Variants in LRP1B observed in about 807,000 individuals in gnomAD.
LRP1B encodes the protein low-density lipoprotein receptor-related protein 1B.
A neutral mutation model predicts 556.6 loss-of-function variants in LRP1B; 217 were observed. The ratio of observed to expected loss-of-function variants is 0.39; its 90% confidence interval spans 0.35 to 0.44. The LOEUF (loss-of-function observed/expected upper bound fraction) is 0.44, where lower values mean the gene tolerates loss of function less well. Among genes scored for constraint, LRP1B ranks in the 20% least tolerant of loss-of-function variants. The pLI, the probability that LRP1B is intolerant of heterozygous loss-of-function variation, is 1.00. For synonymous variants in LRP1B, 2,047 were observed against 1,865.8 expected (o/e 1.10, Z -2.50); for missense variants, 5,053 against 5,620.8 (o/e 0.90, Z 3.23).
Position 141,490,052 on chromosome 2 carries a change from A to C in LRP1B, c.206-9519T>G, listed in dbSNP as rs558486786. ...ATTTTGTCCAGCTGCAGTACCCTTT[A>C]GCCATCTCTGACATCTAATTTTTAA... On this transcript the variant is annotated intron_variant, in intron 2 of 90. Transcript: ENST00000389484. Among the ~76,000 whole-genome samples, 66 of 152,270 alleles carry C rather than the reference A, an allele frequency of 4.3e-4. 1 individual carries two copies. The highest frequency in any genetic ancestry group is 3.7e-3 in the Admixed American group (57 of 15,274).
chr2:140,525,888 C>T lies in LRP1B; in HGVS notation c.7982G>A (p.Gly2661Glu), dbSNP rs1690409658. The change falls in exon 49 of 91, where the codon GGG (glycine) becomes GAG (glutamate). Residue 2661 changes from glycine to glutamate, a missense_variant. By Grantham distance (98) the Gly-to-Glu change is moderately conservative. Coordinates refer to ENST00000389484, the MANE Select transcript of LRP1B (RefSeq NM_018557.3). ...TGAATAGTCTCCACAGTCATTAGACCCGTCGCATATCCAGGTTGGCAGAAC... is the reference window on the plus strand; with the variant it reads ...TGAATAGTCTCCACAGTCATTAGACTCGTCGCATATCCAGGTTGGCAGAAC... ...LCVLPTWICD[G>E]SNDCGDYSDE... The T allele has an allele frequency of 1.2e-6, 2 of 1,612,260 alleles. No homozygotes were observed. Among genetic ancestry groups the T allele is most frequent in the Non-Finnish European group, 1.7e-6 (2 of 1,178,846 alleles).
chr2:141,179,892 CTT>C (rs11433781), intron 7 of LRP1B, among the ~76,000 whole-genome samples: 226 of 125,954 alleles, frequency 1.8e-3, no homozygotes, highest in Non-Finnish European at 2.3e-3. Flanking sequence ...TTGGTTTTTC[CTT>C]TTTTTTTTTT....
At chr2:140,729,182 T>C (rs1687693644) in intron 35 of LRP1B, among the ~76,000 whole-genome samples, 1 of 152,044 alleles carries the variant, frequency 6.6e-6, no homozygotes. Flanking sequence ...AATTCAGAAA[T>C]AGAAAATTCT....
At chr2:141,315,076 G>A (rs1686970595) in intron 3 of LRP1B, among the ~76,000 whole-genome samples, 1 of 150,174 alleles carries the variant, frequency 6.7e-6, no homozygotes, top group Non-Finnish European at 1.5e-5. Context: ...GACTATTACG[G>A]TACTCTCACA....
intron 72 of LRP1B, among the ~76,000 whole-genome samples, chr2:140,359,268 CA>C (rs1470114880): frequency 6.6e-6 from 1 of 151,572 alleles, no homozygotes; most frequent in African/African-American, 2.4e-5. Context: ...TGCAATATGG[CA>C]GGACACTTAG....
chr2:140,267,028 C>T (rs1264407932), intron 86 of LRP1B, among the ~76,000 whole-genome samples: 1 of 151,914 alleles, frequency 6.6e-6, no homozygotes, highest in Non-Finnish European at 1.5e-5. Flanking sequence ...CCACCCCTTC[C>T]TAGTGTGTGA....
At chr2:141,776,139 C>T (rs1014652861) in intron 2 of LRP1B, among the ~76,000 whole-genome samples, 2 of 152,110 alleles carry the variant, frequency 1.3e-5, no homozygotes, top group Admixed American at 1.3e-4. Context: ...AGCCACCAGC[C>T]CCGCCAAGTT....
At chr2:140,597,156 G>T (rs1682474081) in intron 43 of LRP1B, among the ~76,000 whole-genome samples, 1 of 152,110 alleles carries the variant, frequency 6.6e-6, no homozygotes, top group Non-Finnish European at 1.5e-5. Flanking sequence ...AGTAAACTTT[G>T]AAATAGTTTT....
chr2:140,700,728 C>A (rs1332902106), intron 40 of LRP1B, 107 bp from the exon 41 acceptor site: 1 of 1,140,474 alleles, frequency 8.8e-7, no homozygotes, highest in East Asian at 2.5e-5. Context: ...TGAATATTCT[C>A]TTTTTGCTCT....
intron 1 of LRP1B, among the ~76,000 whole-genome samples, chr2:142,044,483 G>A (rs973323001): frequency 3.3e-5 from 5 of 151,828 alleles, no homozygotes; most frequent in African/African-American, 7.2e-5. Context: ...AAAGATGAGC[G>A]CACAGTAGGC....
chr2:141,575,278 G>A (rs754064265), intron 2 of LRP1B, among the ~76,000 whole-genome samples: 19 of 152,162 alleles, frequency 1.2e-4, no homozygotes, highest in East Asian at 9.7e-4. Flanking sequence ...GACCAATGGA[G>A]CAGGACAGAC....
chr2:140,260,110 C>T (rs1256082842), intron 86 of LRP1B, among the ~76,000 whole-genome samples: 1 of 151,902 alleles, frequency 6.6e-6, no homozygotes, highest in African/African-American at 2.4e-5. Context: ...AACATAAAAA[C>T]TAACATTGCT....
At chr2:140,359,531 T>C (rs1180077494) in intron 72 of LRP1B, among the ~76,000 whole-genome samples, 2 of 151,632 alleles carry the variant, frequency 1.3e-5, no homozygotes, top group Non-Finnish European at 1.5e-5. Flanking sequence ...GCCAGGGAAT[T>C]TTACATTTGT....
At chr2:140,393,471 T>G (rs1423701638) in intron 66 of LRP1B, among the ~76,000 whole-genome samples, 1 of 151,946 alleles carries the variant, frequency 6.6e-6, no homozygotes, top group Non-Finnish European at 1.5e-5. Flanking sequence ...GAAAATATAA[T>G]GCATAAAACC....
intron 2 of LRP1B, among the ~76,000 whole-genome samples, chr2:141,515,736 T>C (rs1253861055): frequency 3.9e-5 from 6 of 152,174 alleles, no homozygotes; most frequent in East Asian, 1.9e-4. Flanking sequence ...GGGGAAATGA[T>C]ATGATATGAT....
chr2:141,455,662 G>A (rs1033969103), intron 3 of LRP1B, among the ~76,000 whole-genome samples: 5 of 152,064 alleles, frequency 3.3e-5, no homozygotes, highest in African/African-American at 1.2e-4. Context: ...TAGCAACTCA[G>A]TAACCACCTA....
At chr2:140,763,211 C>T (rs964047427) in intron 35 of LRP1B, among the ~76,000 whole-genome samples, 3 of 152,096 alleles carry the variant, frequency 2.0e-5, no homozygotes, top group Non-Finnish European at 4.4e-5. Context: ...AATCTCTCAG[C>T]AGCTACTAAT....
At chr2:141,012,495 C>A (rs954597901) in intron 14 of LRP1B, among the ~76,000 whole-genome samples, 3 of 151,942 alleles carry the variant, frequency 2.0e-5, no homozygotes, top group African/African-American at 4.8e-5. Flanking sequence ...TCTATCCAGG[C>A]AATTATCTCT....
At chr2:141,789,642 G>A (rs915691926) in intron 2 of LRP1B, among the ~76,000 whole-genome samples, 1 of 151,844 alleles carries the variant, frequency 6.6e-6, no homozygotes, top group African/African-American at 2.4e-5. Flanking sequence ...GCTTTTATAA[G>A]GATGTCAGTG....
Sources: allele counts gnomAD v4.1 joint callset (sites outside exome capture counted in the v4.1 genomes callset), GRCh38; gene constraint gnomAD v4.1.1; transcripts MANE v1.5; gene names NCBI Gene and HGNC (gene_info 2026-07-23, HGNC 2026-07-21).